Variants in ZAR1 observed in about 807,000 individuals in gnomAD.
ZAR1 encodes zygote arrest protein 1.
In ZAR1, 37 loss-of-function variants were observed where a neutral mutation model predicts 38.3. That is an observed-to-expected ratio of 0.97 (90% confidence interval 0.74 to 1.27). The LOEUF (loss-of-function observed/expected upper bound fraction) is 1.27. Among genes scored for constraint, ZAR1 ranks in the 50% most tolerant of loss-of-function variants. The pLI is 0.00. For missense variants in ZAR1, 651 were observed against 632.4 expected, an observed-to-expected ratio of 1.03 and a Z score of -0.32; for synonymous variants, 336 against 292.0, an observed-to-expected ratio of 1.15 and a Z score of -1.53.
intron 2 of ZAR1, 23 bp downstream of exon 2, chr4:48,492,881 C>T: frequency 6.2e-7 from 1 of 1,613,410 alleles, no homozygotes; most frequent in Non-Finnish European, 8.5e-7. Flanking sequence ...AGGTAACTGG[C>T]ATCTTCTTGC....
At chr4:48,491,608 G>C (rs1335822629) in intron 1 of ZAR1, among the ~76,000 whole-genome samples, 1 of 152,230 alleles carries the variant, frequency 6.6e-6, no homozygotes, top group Non-Finnish European at 1.5e-5. Context: ...ACTGAACTTC[G>C]GAGCACTTGC....
At position 48,490,851 on chromosome 4, in the gene ZAR1, T is replaced by C; in HGVS notation, c.560T>C (p.Leu187Ser). Residue 187 changes from leucine (L) to serine (S), a missense_variant, in exon 1 of 4, where the codon TTG becomes TCG. Leu to Ser is a moderately radical substitution (Grantham distance 145). This residue lies in a region of ZAR1 where 522 missense variants were observed against 459.9 expected (regional missense o/e 1.14). Transcript: ENST00000327939. Reference protein sequence around the residue: ...RTVAVYSPLALRRLTAFLEGP... With the variant: ...RTVAVYSPLASRRLTAFLEGP... ...GTCGCCGTGTACTCGCCCCTGGCCT[T>C]GCGCCGTCTCACCGCCTTCCTGGAG... is the stretch of plus-strand genomic sequence containing the variant. 6.8e-7 allele frequency: 1 copy of C among 1,478,856 alleles called. No individual in the cohort carries two copies. 91.6% of individuals were successfully genotyped at this position (1,478,856 alleles called of 1,614,324 possible).
Position 48,492,616 on chromosome 4 carries a change from C to T in ZAR1, c.964-150C>T, listed in dbSNP as rs879639182. The T allele has an allele frequency of 1.9e-5, 13 of 695,128 alleles. No homozygotes were observed. In the Admixed American group the frequency reaches 3.0e-4, roughly 16 times the overall value. The allele number at this position is 695,128 out of a possible 1,614,324, so 43.1% of individuals were successfully genotyped here. On this transcript the variant is annotated intron_variant, in intron 1 of 3. Coordinates refer to ENST00000327939, the MANE Select transcript of ZAR1 (RefSeq NM_175619.3). ...CTAGGCTATTAAGCTCACTTAATTA[C>T]TGTATTGAAGAGGCGTACCCAAACC...
In ZAR1 at chr4:48,490,354, G is replaced by T; in HGVS notation, c.63G>T (p.Ser21=). 6.6e-7 allele frequency: 1 copy of T among 1,512,120 alleles called. No homozygotes were observed. The highest frequency in any genetic ancestry group is 8.8e-7 in the Non-Finnish European group (1 of 1,136,538). The allele number at this position is 1,512,120 out of a possible 1,614,324, so 93.7% of individuals were successfully genotyped here. A position where few individuals can be genotyped will look rare whatever the true frequency, so the allele number is the denominator to read the frequency against. ...TGTTCCCGGCGTGCCCCCCCTGCTC[G>T]TACCGGTACCCATACCCCGCGGCCA... ...GYVFPACPPC[S]YRYPYPAATK... Residue 21 remains serine, a synonymous_variant, in exon 1 of 4, where the codon TCG becomes TCT. Transcript: ENST00000327939.
chr4:48,492,747 G>T lies in ZAR1; in HGVS notation c.964-19G>T. The T allele has an allele frequency of 6.2e-7, 1 of 1,608,358 alleles. No homozygotes were observed. The highest frequency in any genetic ancestry group is 1.1e-5 in the South Asian group (1 of 90,686). On this transcript the variant is annotated intron_variant, in intron 1 of 3. Transcript: ENST00000327939. ...ATTCAGGTGTTTTGTTGGTTAAATTGACATATCCTGTTGTTCAGTTCTTAG... is the reference window on the plus strand; with the variant it reads ...ATTCAGGTGTTTTGTTGGTTAAATTTACATATCCTGTTGTTCAGTTCTTAG...
intron 1 of ZAR1, among the ~76,000 whole-genome samples, chr4:48,492,296 G>C (rs1333013857): frequency 6.6e-6 from 1 of 152,148 alleles, no homozygotes; most frequent in African/African-American, 2.4e-5. Flanking sequence ...ATGAATTATG[G>C]CTTACGTACG....
chr4:48,491,371 T>A lies in ZAR1; in HGVS notation c.963+117T>A, dbSNP rs7340880. ...GTGCGGCGCTTCCCTAAGCGTGGGC[T>A]ACTTCCGTATTTCCGAGACAGCCAA... On this transcript the variant is annotated intron_variant, in intron 1 of 3. Coordinates refer to ENST00000327939, the MANE Select transcript of ZAR1 (RefSeq NM_175619.3). The A allele has an allele frequency of 9.5e-4, 711 of 746,692 alleles. 8 individuals carry two copies. In the African/African-American group the frequency reaches 0.012, roughly 13 times the overall value. The allele number at this position is 746,692 out of a possible 1,614,324, so 46.3% of individuals were successfully genotyped here. A position where few individuals can be genotyped will look rare whatever the true frequency, so the allele number is the denominator to read the frequency against.
In ZAR1 at chr4:48,493,005, C is replaced by A. The variant is rs143281400; in HGVS notation, c.1124C>A (p.Thr375Asn). 2.1e-5 allele frequency: 34 copies of A among 1,614,090 alleles called. No individual in the cohort carries two copies. The East Asian group carries it at 7.6e-4, about 36-fold the overall frequency. Residue 375 changes from threonine to asparagine, a missense_variant, in exon 3 of 4, where the codon ACC becomes AAC. This residue lies in a region of ZAR1 where 129 missense variants were observed against 172.5 expected (regional missense o/e 0.75). Coordinates refer to ENST00000327939, the MANE Select transcript of ZAR1 (RefSeq NM_175619.3). ...AACCCTTACCGAGTGGAGGATATCACCTGTCAAGTAAATCAGATGTTTTGC... is the reference window on the plus strand; with the variant it reads ...AACCCTTACCGAGTGGAGGATATCAACTGTCAAGTAAATCAGATGTTTTGC... Reference protein sequence around the residue: ...SYNPYRVEDITCQSCKQTRCS... With the variant: ...SYNPYRVEDINCQSCKQTRCS...
downstream of ZAR1, among the ~76,000 whole-genome samples, chr4:48,495,143 T>A: frequency 6.6e-6 from 1 of 152,206 alleles, no homozygotes; most frequent in East Asian, 1.9e-4. Flanking sequence ...AGACTCTAAC[T>A]GCGTCTAGTA....
chr4:48,493,613 T>A (rs1718504813), intron 3 of ZAR1, among the ~76,000 whole-genome samples: 1 of 152,244 alleles, frequency 6.6e-6, no homozygotes, highest in Admixed American at 6.5e-5. Context: ...ACACAGCTAA[T>A]GGAGTCTGAA....
At chr4:48,495,795 G>A (rs1007303022), downstream of ZAR1, among the ~76,000 whole-genome samples, 1 of 152,342 alleles carries the variant, frequency 6.6e-6, no homozygotes, top group African/African-American at 2.4e-5. Flanking sequence ...AAAATGGAGA[G>A]GGGAAAATTT....
intron 1 of ZAR1, 22 bp downstream of exon 1, chr4:48,491,276 G>T (rs866864417): frequency 8.1e-7 from 1 of 1,230,760 alleles, no homozygotes; most frequent in Non-Finnish European, 1.0e-6. Context: ...GGCGGTCAGG[G>T]CACAGGGGAG....
Position 48,490,972 on chromosome 4 carries a change from G to C in ZAR1, c.681G>C (p.Glu227Asp). 2.2e-6 allele frequency: 3 copies of C among 1,354,464 alleles called. No homozygotes were observed. The highest frequency in any genetic ancestry group is 2.8e-6 in the Non-Finnish European group (3 of 1,059,666). The allele number at this position is 1,354,464 out of a possible 1,614,324, so 83.9% of individuals were successfully genotyped here. The change falls in exon 1 of 4, where the codon GAG (glutamate) becomes GAC (aspartate). Residue 227 changes from glutamate (E) to aspartate (D), a missense_variant. Physicochemically the swap from Glu to Asp is conservative, Grantham distance 45. Coordinates refer to ENST00000327939, the MANE Select transcript of ZAR1 (RefSeq NM_175619.3). ...PARLQGPEEG[E>D]VWTKKAPRRP... ...GGCTTCAAGGCCCAGAGGAGGGGGA[G>C]GTGTGGACGAAGAAGGCGCCCCGGC...
At chr4:48,496,674 CAA>C (rs766136686), downstream of ZAR1, among the ~76,000 whole-genome samples, 28 of 152,066 alleles carry the variant, frequency 1.8e-4, no homozygotes, top group Non-Finnish European at 3.4e-4. Flanking sequence ...GTGTACAATC[CAA>C]AAACTAAAAG....
At chr4:48,495,476 G>C (rs1281743989), downstream of ZAR1, among the ~76,000 whole-genome samples, 1 of 152,226 alleles carries the variant, frequency 6.6e-6, no homozygotes, top group Non-Finnish European at 1.5e-5. Flanking sequence ...TGTGGACAGA[G>C]ATGGTGCGTG....
downstream of ZAR1, among the ~76,000 whole-genome samples, chr4:48,495,446 G>A (rs549802855): frequency 1.6e-4 from 25 of 152,276 alleles, no homozygotes; most frequent in Non-Finnish European, 2.2e-4. Flanking sequence ...ATCTCAAGGG[G>A]AAAGGCCCAC....
Position 48,490,372 on chromosome 4 carries a change from C to CAAGG in ZAR1, c.81_82insAAGG (p.Ala28LysfsTer325). 1 of 1,505,024 alleles carries CAAGG rather than the reference C, an allele frequency of 6.6e-7. No homozygotes were observed. The highest frequency in any genetic ancestry group is 8.8e-7 in the Non-Finnish European group (1 of 1,133,444). 93.2% of individuals were successfully genotyped at this position (1,505,024 alleles called of 1,614,324 possible). A position where few individuals can be genotyped will look rare whatever the true frequency, so the allele number is the denominator to read the frequency against. ...CCTGCTCGTACCGGTACCCATACCC[C>CAAGG]GCGGCCACCAAGGGCAAGGGCGCGG... On this transcript the variant is annotated frameshift_variant, in exon 1 of 4. Transcript: ENST00000327939. LOFTEE classifies it high-confidence loss of function.
At chr4:48,491,281 G>A in intron 1 of ZAR1, 27 bp downstream of exon 1, 1 of 1,226,462 alleles carries the variant, frequency 8.2e-7, no homozygotes, top group Non-Finnish European at 1.0e-6. Flanking sequence ...TCAGGGCACA[G>A]GGGAGCCCGG....
Position 48,490,884 on chromosome 4 carries a change from G to C in ZAR1, c.593G>C (p.Gly198Ala), listed in dbSNP as rs549200712. The C allele has an allele frequency of 1.8e-4, 257 of 1,406,514 alleles. No homozygotes were observed. In the African/African-American group the frequency reaches 3.4e-3, roughly 19 times the overall value. The allele number at this position is 1,406,514 out of a possible 1,614,324, so 87.1% of individuals were successfully genotyped here. A position where few individuals can be genotyped will look rare whatever the true frequency, so the allele number is the denominator to read the frequency against. Residue 198 changes from glycine (G) to alanine (A), a missense_variant, in exon 1 of 4, where the codon GGG becomes GCG. Gly to Ala is a moderately conservative substitution (Grantham distance 60). Transcript: ENST00000327939. ...CTCACCGCCTTCCTGGAGGGGCCCG[G>C]GCCCGCGGCGGGCGAGCAGAGGTCC... Reference protein sequence around the residue: ...RRLTAFLEGPGPAAGEQRSGA... With the variant: ...RRLTAFLEGPAPAAGEQRSGA...
Sources: allele counts gnomAD v4.1 joint callset (sites outside exome capture counted in the v4.1 genomes callset), GRCh38; gene constraint gnomAD v4.1.1; regional missense constraint gnomAD v4.1.1; transcripts MANE v1.5; gene names NCBI Gene and HGNC (gene_info 2026-07-23, HGNC 2026-07-21).